The following COL22A1 variants were observed in gnomAD, a reference collection of about 807,000 sequenced individuals.
COL22A1 encodes the protein collagen alpha-1(XXII) chain.
Under a neutral mutation model 248.9 loss-of-function variants are expected in COL22A1, and 221 were observed. That is an observed-to-expected ratio of 0.89 (90% CI 0.80 to 0.99). The LOEUF is 0.99. COL22A1 is among the 50% of genes least tolerant of loss of function. The pLI is 0.00. For missense variants in COL22A1, 2,240 were observed against 2,179.0 expected, an observed-to-expected ratio of 1.03 and a Z score of -0.56; for synonymous variants, 891 against 793.4, an observed-to-expected ratio of 1.12 and a Z score of -2.07.
intron 30 of COL22A1, among the ~76,000 whole-genome samples, chr8:138,707,011 C>T (rs1226872784): frequency 1.3e-5 from 2 of 152,168 alleles, no homozygotes; most frequent in Admixed American, 6.5e-5. Context: ...ATAAACACTT[C>T]TATGCAGATA....
intron 59 of COL22A1, 40 bp downstream of exon 59, chr8:138,604,694 T>C: frequency 6.3e-7 from 1 of 1,597,774 alleles, no homozygotes; most frequent in Non-Finnish European, 8.6e-7. Flanking sequence ...CCATTGGTGG[T>C]AAAGGGTTGC....
At chr8:138,698,793 T>C (rs1025420603) in intron 32 of COL22A1, among the ~76,000 whole-genome samples, 1 of 146,112 alleles carries the variant, frequency 6.8e-6, no homozygotes, top group African/African-American at 2.6e-5. Context: ...GTGAGAGAGG[T>C]GTGGTGTCCT....
At chr8:138,608,049 C>A in intron 56 of COL22A1, 60 bp from the exon 57 acceptor site, 1 of 1,522,420 alleles carries the variant, frequency 6.6e-7, no homozygotes. Flanking sequence ...GACGGTGGAA[C>A]AAAGAGATAG....
intron 41 of COL22A1, among the ~76,000 whole-genome samples, chr8:138,664,250 CA>C: frequency 6.7e-6 from 1 of 149,444 alleles, no homozygotes; most frequent in South Asian, 2.1e-4. Context: ...CACACACACA[CA>C]CACACAGATA....
At chr8:138,801,842 T>C (rs2131626088) in intron 11 of COL22A1, among the ~76,000 whole-genome samples, 1 of 151,994 alleles carries the variant, frequency 6.6e-6, no homozygotes, top group East Asian at 1.9e-4. Context: ...ATCATGCCAC[T>C]GTACTCCAGC....
chr8:138,834,546 C>T (rs374198634), intron 4 of COL22A1, among the ~76,000 whole-genome samples: 20 of 152,234 alleles, frequency 1.3e-4, no homozygotes, highest in African/African-American at 4.1e-4. Context: ...GTATTAGAAC[C>T]GGACAGATCT....
intron 3 of COL22A1, among the ~76,000 whole-genome samples, chr8:138,872,941 G>A (rs1408179545): frequency 2.6e-5 from 4 of 152,224 alleles, no homozygotes; most frequent in African/African-American, 7.2e-5. Context: ...GTAAAATGGG[G>A]ATATTGATTT....
At chr8:138,664,209 G>GCGCGCGCGCACACACACACA (rs1440442280) in intron 41 of COL22A1, among the ~76,000 whole-genome samples, 2 of 103,158 alleles carry the variant, frequency 1.9e-5, no homozygotes, top group Non-Finnish European at 1.9e-5. Flanking sequence ...GCGCGCGCGC[G>GCGCGCGCGCACACACACACA]CACACACACA....
At chr8:138,643,451 C>T (rs1276575261) in intron 47 of COL22A1, among the ~76,000 whole-genome samples, 2 of 152,158 alleles carry the variant, frequency 1.3e-5, no homozygotes, top group Non-Finnish European at 2.9e-5. Flanking sequence ...GTTGTCACAA[C>T]ATAGAATTAT....
chr8:138,668,033 G>A (rs963880774), intron 41 of COL22A1, among the ~76,000 whole-genome samples: 13 of 151,662 alleles, frequency 8.6e-5, no homozygotes, highest in Non-Finnish European at 1.0e-4. Flanking sequence ...CCAACCAATC[G>A]CTATATGTTT....
rs1816824508 is a variant in COL22A1 at position 138,589,170 on chromosome 8, T to A, written c.*83A>T. The A allele has an allele frequency of 2.3e-6, 3 of 1,291,592 alleles. No individual in the cohort carries two copies. Among genetic ancestry groups the A allele is most frequent in the Non-Finnish European group, 3.2e-6 (3 of 926,300 alleles). 80.0% of individuals were successfully genotyped at this position (1,291,592 alleles called of 1,614,324 possible). ...AAAAAAAAGGAACACATGGCTGAAG[T>A]CTTTCAAGACCTCTGGCTTCCCACT... is the stretch of plus-strand genomic sequence containing the variant. On this transcript the variant is annotated 3_prime_UTR_variant, in exon 65 of 65. Coordinates refer to ENST00000303045, the MANE Select transcript of COL22A1 (RefSeq NM_152888.3).
In COL22A1 at chr8:138,646,652, GC is replaced by G; in HGVS notation, c.3477del (p.Pro1161GlnfsTer3). The G allele has an allele frequency of 1.3e-6, 2 of 1,583,072 alleles. No homozygotes were observed. The highest frequency in any genetic ancestry group is 1.2e-5 in the South Asian group (1 of 85,474). On this transcript the variant is annotated frameshift_variant, in exon 47 of 65. Transcript: ENST00000303045. LOFTEE classifies it high-confidence loss of function. ...KGEAGPPGLPGPPGIAGPQGS... is the reference protein window; with the variant it reads ...KGEAGPPGLPXPPGIAGPQGS... Reference sequence around the variant, plus strand: ...ACCTGTGGTCCAGCTATTCCTGGGGGCCCTGGTAGGCCTGGAGGCCCAGCCT... The same window carrying G: ...ACCTGTGGTCCAGCTATTCCTGGGGGCCTGGTAGGCCTGGAGGCCCAGCCT...
intron 15 of COL22A1, 197 bp downstream of exon 15, chr8:138,778,156 T>A: frequency 1.5e-6 from 1 of 679,104 alleles, no homozygotes; most frequent in Non-Finnish European, 2.7e-6. Context: ...GCATTTAAAC[T>A]TGTTCTCTGG....
chr8:138,882,980 G>C (rs1452138168), intron 2 of COL22A1, 102 bp downstream of exon 2: 1 of 1,054,946 alleles, frequency 9.5e-7, no homozygotes, highest in African/African-American at 1.6e-5. Context: ...CACACAGTCA[G>C]TTGTGAACTC....
chr8:138,731,790 A>G (rs1256641806), intron 23 of COL22A1, among the ~76,000 whole-genome samples: 1 of 152,176 alleles, frequency 6.6e-6, no homozygotes, highest in African/African-American at 2.4e-5. Flanking sequence ...GAGGCTCCAC[A>G]TCATCTCAGC....
intron 52 of COL22A1, 80 bp downstream of exon 52, chr8:138,623,652 T>C (rs188772467): frequency 4.8e-6 from 6 of 1,259,794 alleles, no homozygotes; most frequent in Non-Finnish European, 5.7e-6. Context: ...TGGTTCAAAA[T>C]AGCTCCTCAC....
intron 39 of COL22A1, among the ~76,000 whole-genome samples, chr8:138,682,649 C>T (rs544479291): frequency 6.3e-4 from 96 of 152,200 alleles, no homozygotes; most frequent in Admixed American, 8.5e-4. Context: ...CCAATGACTC[C>T]TTCTTCAACT....
chr8:138,772,212 C>T (rs1834427755), intron 16 of COL22A1, among the ~76,000 whole-genome samples: 4 of 152,258 alleles, frequency 2.6e-5, no homozygotes, highest in South Asian at 4.1e-4. Flanking sequence ...GGGCCCGGTG[C>T]TCACCCATGT....
rs190016417 is a variant in COL22A1 at position 138,829,438 on chromosome 8, G to T, written c.846-2657C>A. 2.6e-3 allele frequency among the ~76,000 whole-genome samples: 290 copies of T among 111,920 alleles called. 2 individuals carry two copies. The highest frequency in any genetic ancestry group is 9.9e-3 in the African/African-American group (278 of 28,108). 73.4% of individuals were successfully genotyped at this position (111,920 alleles called of 152,430 possible). On this transcript the variant is annotated intron_variant, in intron 5 of 64. Coordinates refer to ENST00000303045, the MANE Select transcript of COL22A1 (RefSeq NM_152888.3). The stretch of plus-strand genomic sequence containing the variant: ...TTTTTTTTTTTTGAGACAGAGTCTC[G>T]CTTTGTCTTCCAGGCTAGAGTGCAA...
Sources: gnomAD v4.1 joint callset for allele counts (sites outside exome capture counted in the v4.1 genomes callset) on GRCh38, gnomAD v4.1.1 for gene constraint, MANE v1.5 for transcripts, NCBI Gene and HGNC (gene_info 2026-07-23, HGNC 2026-07-21) for gene names.